CSMD1: variants seen among roughly 807,000 people sequenced by gnomAD.
The protein encoded by CSMD1 is CUB and sushi domain-containing protein 1.
In CSMD1, 213 loss-of-function variants were observed where a neutral mutation model predicts 417.5. The observed-to-expected ratio is 0.51, with a 90% CI of 0.46 to 0.57. The LOEUF (loss-of-function observed/expected upper bound fraction) is 0.57, where lower values mean the gene tolerates loss of function less well. Ranked by LOEUF, CSMD1 falls within the 20% of genes least tolerant of loss-of-function variation. The pLI is 0.00. For missense variants in CSMD1, 6,923 were observed against 4,529.7 expected, an observed-to-expected ratio of 1.53 and a Z score of -15.17; for synonymous variants, 2,862 against 1,736.8, an observed-to-expected ratio of 1.65 and a Z score of -16.11.
intron 1 of CSMD1, among the ~76,000 whole-genome samples, chr8:4,743,929 C>T (rs1432504982): frequency 6.6e-6 from 1 of 152,188 alleles, no homozygotes; most frequent in African/African-American, 2.4e-5. Flanking sequence ...GTTTATAAAC[C>T]ACAGCACTTT....
At chr8:3,046,697 C>A (rs1018490628) in intron 50 of CSMD1, among the ~76,000 whole-genome samples, 2 of 152,158 alleles carry the variant, frequency 1.3e-5, no homozygotes, top group Non-Finnish European at 2.9e-5. Context: ...CTAATCAAAT[C>A]ATTTCCAGGC....
intron 1 of CSMD1, among the ~76,000 whole-genome samples, chr8:4,904,893 G>T (rs1032252076): frequency 8.5e-5 from 13 of 152,122 alleles, no homozygotes; most frequent in African/African-American, 3.1e-4. Context: ...ATTTTCCAAT[G>T]AAAAAGAGCC....
intron 3 of CSMD1, among the ~76,000 whole-genome samples, chr8:4,187,809 C>T (rs1413017670): frequency 6.6e-6 from 1 of 151,760 alleles, no homozygotes; most frequent in Non-Finnish European, 1.5e-5. Flanking sequence ...TTATTATTTT[C>T]CAAAATCACA....
rs138057439 is a variant in CSMD1, at chr8:3,830,287, C to T, written c.819-76245G>A. 2.7e-3 allele frequency among the ~76,000 whole-genome samples: 418 copies of T among 152,312 alleles called. 2 individuals are homozygous for T. Among genetic ancestry groups the T allele is most frequent in the African/African-American group, 9.4e-3 (391 of 41,572 alleles). On this transcript the variant is annotated intron_variant, in intron 5 of 69. Coordinates refer to ENST00000635120, the MANE Select transcript of CSMD1 (RefSeq NM_033225.6). The stretch of plus-strand genomic sequence containing the variant: ...CACAGTTAGTCACATTACAGAGCAT[C>T]TGGCTCTGGGGCAAACTAAGCGTCA...
chr8:3,260,230 C>T (rs1360526453), intron 26 of CSMD1, among the ~76,000 whole-genome samples: 1 of 152,056 alleles, frequency 6.6e-6, no homozygotes, highest in African/African-American at 2.4e-5. Flanking sequence ...ATGCATATAA[C>T]TAGGTTATCA....
At chr8:4,681,508 AG>A (rs1806050278) in intron 1 of CSMD1, among the ~76,000 whole-genome samples, 1 of 152,168 alleles carries the variant, frequency 6.6e-6, no homozygotes, top group East Asian at 1.9e-4. Flanking sequence ...ATACGTTGTT[AG>A]GTAAGCCAAG....
intron 1 of CSMD1, among the ~76,000 whole-genome samples, chr8:4,683,752 G>C (rs1339345643): frequency 6.6e-6 from 1 of 152,132 alleles, no homozygotes; most frequent in Non-Finnish European, 1.5e-5. Context: ...TGCACAATTA[G>C]CTCAGACATA....
At chr8:3,605,799 C>CA (rs1278195353) in intron 8 of CSMD1, among the ~76,000 whole-genome samples, 1 of 152,192 alleles carries the variant, frequency 6.6e-6, no homozygotes, top group Admixed American at 6.5e-5. Flanking sequence ...TTTCAACCCC[C>CA]AAATTCCCTT....
intron 5 of CSMD1, among the ~76,000 whole-genome samples, chr8:3,965,717 C>T (rs559600935): frequency 9.9e-5 from 15 of 152,126 alleles, no homozygotes; most frequent in South Asian, 2.1e-4. Context: ...TCCCACTTTC[C>T]GGAGATTCTC....
At chr8:4,868,553 G>T (rs1241551873) in intron 1 of CSMD1, among the ~76,000 whole-genome samples, 4 of 151,948 alleles carry the variant, frequency 2.6e-5, no homozygotes, top group African/African-American at 4.8e-5. Context: ...GATCATTATT[G>T]TTACCGTTAT....
rs113214171 is a variant in CSMD1, at chr8:3,068,901, T to C, written c.7475-16254A>G. Among the ~76,000 whole-genome samples the C allele has an allele frequency of 3.3e-5, 5 of 149,728 alleles. 1 individual carries two copies. The highest frequency in any genetic ancestry group is 7.7e-5 in the African/African-American group (3 of 39,208). ...TATCCAAACTATATTATTTCTCCCC[T>C]GACCCCTCCCAATTCTCATATCCTT... On this transcript the variant is annotated intron_variant, in intron 49 of 69. Transcript: ENST00000635120.
intron 7 of CSMD1, among the ~76,000 whole-genome samples, chr8:3,655,139 G>C (rs972018380): frequency 1.3e-5 from 2 of 152,106 alleles, no homozygotes; most frequent in Admixed American, 6.5e-5. Context: ...TTTAGCTATA[G>C]AGCTAAATCT....
At chr8:3,654,829 T>C (rs1027796425) in intron 7 of CSMD1, among the ~76,000 whole-genome samples, 1 of 152,092 alleles carries the variant, frequency 6.6e-6, no homozygotes, top group Non-Finnish European at 1.5e-5. Flanking sequence ...CCAGGATCCA[T>C]AGAACACATC....
chr8:3,409,526 A>T lies in CSMD1; in HGVS notation c.1641T>A (p.Asp547Glu). 6.2e-7 allele frequency: 1 copy of T among 1,611,422 alleles called. No homozygotes were observed. Among genetic ancestry groups the T allele is most frequent in the South Asian group, 1.1e-5 (1 of 90,262 alleles). Residue 547 changes from aspartate to glutamate, a missense_variant, in exon 13 of 70, where the codon GAT becomes GAA. By Grantham distance (45) the Asp-to-Glu change is conservative. Coordinates refer to ENST00000635120, the MANE Select transcript of CSMD1 (RefSeq NM_033225.6). ...KRTGSSFLHG[D>E]TLTFECPAAF... ...CCGCCGGGCATTCAAAGGTGAGTGT[A>T]TCTCCATGGAGGAAACTGCTGCCCG...
chr8:4,240,904 G>C (rs1452207202), intron 3 of CSMD1, among the ~76,000 whole-genome samples: 1 of 152,134 alleles, frequency 6.6e-6, no homozygotes, highest in East Asian at 1.9e-4. Flanking sequence ...TTACTGTAAA[G>C]AAAATAGTTT....
At chr8:4,425,094 G>T (rs565441311) in intron 2 of CSMD1, among the ~76,000 whole-genome samples, 1 of 151,774 alleles carries the variant, frequency 6.6e-6, no homozygotes, top group African/African-American at 2.4e-5. Context: ...ATATATATTC[G>T]CCTAAGTTAG....
At chr8:4,330,355 G>A (rs1455176774) in intron 3 of CSMD1, among the ~76,000 whole-genome samples, 4 of 151,664 alleles carry the variant, frequency 2.6e-5, no homozygotes, top group Non-Finnish European at 5.9e-5. Flanking sequence ...AGTGCTTTAG[G>A]AGGACTAGTC....
At chr8:4,105,897 TG>T (rs1801543717) in intron 3 of CSMD1, among the ~76,000 whole-genome samples, 1 of 152,206 alleles carries the variant, frequency 6.6e-6, no homozygotes, top group Non-Finnish European at 1.5e-5. Context: ...GGCTCTGTGC[TG>T]GCCCCTGCAG....
chr8:4,247,109 C>T lies in CSMD1; in HGVS notation c.415+172844G>A, dbSNP rs560889234. On this transcript the variant is annotated intron_variant, in intron 3 of 69. Coordinates refer to ENST00000635120, the MANE Select transcript of CSMD1 (RefSeq NM_033225.6). ...GTTGTACGGTCTAGTGAAGAAAACGCCAATAAAAGGAAAGGAAATCACACC... is the reference window on the plus strand; with the variant it reads ...GTTGTACGGTCTAGTGAAGAAAACGTCAATAAAAGGAAAGGAAATCACACC... Among the ~76,000 whole-genome samples the T allele has an allele frequency of 1.2e-4, 19 of 152,260 alleles. No homozygotes were observed. In the South Asian group the frequency reaches 3.7e-3, roughly 30 times the overall value.
Sources: allele counts gnomAD v4.1 joint callset (sites outside exome capture counted in the v4.1 genomes callset), GRCh38; gene constraint gnomAD v4.1.1; transcripts MANE v1.5; gene names NCBI Gene and HGNC (gene_info 2026-07-23, HGNC 2026-07-21).